Variants in CDK5RAP3 observed in about 807,000 individuals in gnomAD.
CDK5RAP3 encodes the protein CDK5 regulatory subunit associated protein 3.
CDK5RAP3 carries 58 observed loss-of-function variants against 73.3 expected under a neutral mutation model. That is an observed-to-expected ratio of 0.79 (90% CI 0.64 to 0.98). The LOEUF is 0.98. CDK5RAP3 is among the 50% of genes least tolerant of loss of function. CDK5RAP3 has a pLI of 0.00. For synonymous variants in CDK5RAP3, 224 were observed against 247.5 expected (o/e 0.91, Z 0.89); for missense variants, 525 against 615.8 (o/e 0.85, Z 1.56).
intron 5 of CDK5RAP3, 194 bp downstream of exon 5, chr17:47,974,642 A>G (rs765371351): frequency 7.1e-7 from 1 of 1,408,830 alleles, no homozygotes; most frequent in South Asian, 1.4e-5. Flanking sequence ...TGGGGGAAGG[A>G]GGAGGTCCAG....
In CDK5RAP3 at chr17:47,977,917, G is replaced by A. The variant is rs1168164291; in HGVS notation, c.988+7G>A. 8 of 1,613,544 alleles carry A rather than the reference G, an allele frequency of 5.0e-6. No individual in the cohort carries two copies. Among genetic ancestry groups the A allele is most frequent in the Non-Finnish European group, 5.9e-6 (7 of 1,179,542 alleles). On this transcript the variant is annotated splice_region_variant and intron_variant, in intron 10 of 13. Coordinates refer to ENST00000338399, the MANE Select transcript of CDK5RAP3 (RefSeq NM_176096.3). ...CTGGAAGCAGGAACCCAGGGTAAGTGCACCATCCCCTGCAGCCCTGGCAAA... is the reference window on the plus strand; with the variant it reads ...CTGGAAGCAGGAACCCAGGGTAAGTACACCATCCCCTGCAGCCCTGGCAAA...
At chr17:47,971,304 C>T (rs947685007) in intron 1 of CDK5RAP3, 58 bp from the exon 2 acceptor site, 4 of 1,574,426 alleles carry the variant, frequency 2.5e-6, no homozygotes, top group East Asian at 2.3e-5. Context: ...AATGAGCGCG[C>T]GAGTGGTACG....
chr17:47,971,339 C>G (rs1329914762), intron 1 of CDK5RAP3, 23 bp from the exon 2 acceptor site: 15 of 1,607,604 alleles, frequency 9.3e-6, no homozygotes, highest in Admixed American at 1.7e-5. Context: ...TCACGCCCCC[C>G]TCCTCACCGT....
chr17:47,974,637 G>T, intron 5 of CDK5RAP3, 189 bp downstream of exon 5: 1 of 1,414,588 alleles, frequency 7.1e-7, no homozygotes, highest in Non-Finnish European at 9.2e-7. Flanking sequence ...AGTGCTGGGG[G>T]AAGGAGGAGG....
At chr17:47,976,689 T>G (rs1355482170) in intron 8 of CDK5RAP3, 23 bp from the exon 9 acceptor site, 4 of 1,520,650 alleles carry the variant, frequency 2.6e-6, no homozygotes, top group Middle Eastern at 4.3e-4. Flanking sequence ...TTCCATGAGC[T>G]AACACTCTCT....
At chr17:47,968,452 A>G (rs981071143), upstream of CDK5RAP3, among the ~76,000 whole-genome samples, 1 of 149,684 alleles carries the variant, frequency 6.7e-6, no homozygotes, top group East Asian at 2.0e-4. Context: ...GTAGCTGAGT[A>G]GCTGGGACTG....
Position 47,981,508 on chromosome 17 carries a change from T to G in CDK5RAP3, c.*6T>G, listed in dbSNP as rs769934141. The G allele has an allele frequency of 6.2e-7, 1 of 1,614,106 alleles. No homozygotes were observed. Among genetic ancestry groups the G allele is most frequent in the African/African-American group, 1.3e-5 (1 of 74,948 alleles). On this transcript the variant is annotated 3_prime_UTR_variant, in exon 14 of 14. Coordinates refer to ENST00000338399, the MANE Select transcript of CDK5RAP3 (RefSeq NM_176096.3). Reference sequence around the variant, plus strand: ...TGATGGGAACCTCTCTGTGACACCCTCCGTGTTCTTGCCTGCCCATCTTCT... The same window carrying G: ...TGATGGGAACCTCTCTGTGACACCCGCCGTGTTCTTGCCTGCCCATCTTCT...
At chr17:47,969,203 T>G (rs1300394382), upstream of CDK5RAP3, among the ~76,000 whole-genome samples, 2 of 151,966 alleles carry the variant, frequency 1.3e-5, no homozygotes, top group African/African-American at 4.8e-5. Context: ...AATCAAAAAT[T>G]TACTAAGCCT....
rs191087287 is a variant in CDK5RAP3, at chr17:47,974,805, G to A, written c.335-354G>A. ...AAGAGGCACGGGTTTTTCTGGGAGC[G>A]AATATCAAGTGCCTGAGAGCAACTA... On this transcript the variant is annotated intron_variant, in intron 5 of 13. Coordinates refer to ENST00000338399, the MANE Select transcript of CDK5RAP3 (RefSeq NM_176096.3). 1.0e-3 allele frequency: 1,294 copies of A among 1,265,572 alleles called. 12 individuals carry two copies. The East Asian group carries it at 0.021, about 21-fold the overall frequency. The allele number at this position is 1,265,572 out of a possible 1,614,324, so 78.4% of individuals were successfully genotyped here.
At position 47,980,182 on chromosome 17, in the gene CDK5RAP3, C is replaced by A. The variant is rs144488817; in HGVS notation, c.1078-411C>A. On this transcript the variant is annotated intron_variant, in intron 11 of 13. Coordinates refer to ENST00000338399, the MANE Select transcript of CDK5RAP3 (RefSeq NM_176096.3). ...AGGAAACTCCTTACCCAGAGTCTAG[C>A]CCTCATGTCTCATTTTTGCATTTCG... 1.6e-3 allele frequency: 387 copies of A among 242,468 alleles called. 3 individuals carry two copies. The highest frequency in any genetic ancestry group is 8.4e-3 in the South Asian group (175 of 20,712). 15.0% of individuals were successfully genotyped at this position (242,468 alleles called of 1,614,324 possible).
At chr17:47,975,756 T>C (rs759147521) in intron 7 of CDK5RAP3, 103 bp downstream of exon 7, 4 of 1,579,872 alleles carry the variant, frequency 2.5e-6, no homozygotes, top group Non-Finnish European at 3.4e-6. Context: ...TTGAACTCTT[T>C]ACACACCTGA....
At chr17:47,970,776 CAA>C, upstream of CDK5RAP3, 1 of 1,495,614 alleles carries the variant, frequency 6.7e-7, no homozygotes, top group Non-Finnish European at 9.0e-7. Context: ...GCAGACGTCT[CAA>C]TCTGCGTGGA....
chr17:47,978,589 G>A (rs369949629), intron 10 of CDK5RAP3: 2 of 509,790 alleles, frequency 3.9e-6, no homozygotes, highest in African/African-American at 3.9e-5. Flanking sequence ...GCAGAGAGCC[G>A]GCCTTTCTAC....
rs753979901 is a variant in CDK5RAP3 at position 47,976,695 on chromosome 17, T to A, written c.799-17T>A. 2 of 1,557,952 alleles carry A rather than the reference T, an allele frequency of 1.3e-6. No homozygotes were observed. The highest frequency in any genetic ancestry group is 2.2e-5 in the East Asian group (1 of 44,462). ...AAATCCATCTTCCATGAGCTAACACTCTCTTTCCCTTTCCAGATTGACTGG... is the reference window on the plus strand; with the variant it reads ...AAATCCATCTTCCATGAGCTAACACACTCTTTCCCTTTCCAGATTGACTGG... On this transcript the variant is annotated splice_polypyrimidine_tract_variant and intron_variant, in intron 8 of 13. Coordinates refer to ENST00000338399, the MANE Select transcript of CDK5RAP3 (RefSeq NM_176096.3).
chr17:47,975,555 CCTGCCGAGT>C lies in CDK5RAP3; in HGVS notation c.557_565del (p.Leu186_Ser188del). 6.2e-7 allele frequency: 1 copy of C among 1,611,278 alleles called. No homozygotes were observed. Among genetic ancestry groups the C allele is most frequent in the Non-Finnish European group, 8.5e-7 (1 of 1,180,026 alleles). On this transcript the variant is annotated inframe_deletion, in exon 7 of 14. Transcript: ENST00000338399. ...GAGAACTGCTGGCCCTGGTGAAGGACCTGCCGAGTCAGCTGGCTGAGATTGGGGCAGCGG... is the reference window on the plus strand; with the variant it reads ...GAGAACTGCTGGCCCTGGTGAAGGACCAGCTGGCTGAGATTGGGGCAGCGG...
chr17:47,970,804 G>A, upstream of CDK5RAP3: 1 of 1,432,418 alleles, frequency 7.0e-7, no homozygotes, highest in Non-Finnish European at 9.4e-7. Flanking sequence ...CCCAGTGCCC[G>A]CCAGGGGAAG....
In CDK5RAP3 at chr17:47,973,987, T is replaced by G. The variant is rs1337775305; in HGVS notation, c.241T>G (p.Ser81Ala). 6.2e-7 allele frequency: 1 copy of G among 1,614,138 alleles called. No individual in the cohort carries two copies. Among genetic ancestry groups the G allele is most frequent in the Admixed American group, 1.7e-5 (1 of 60,024 alleles). The change falls in exon 4 of 14, where the codon TCC (serine) becomes GCC (alanine). Residue 81 changes from serine (S) to alanine (A), a missense_variant. Coordinates refer to ENST00000338399, the MANE Select transcript of CDK5RAP3 (RefSeq NM_176096.3). ...GGACCTTCTCAAAGGCACAGAGGCC[T>G]CCACGAAGAATATTTTTGGCCGATA... The part of the protein sequence containing the change: ...ILDLLKGTEA[S>A]TKNIFGRYSS...
chr17:47,979,762 G>A (rs1470750099), intron 11 of CDK5RAP3: 1 of 152,236 alleles, frequency 6.6e-6, no homozygotes, highest in African/African-American at 2.4e-5. Context: ...TAGCCTGCTG[G>A]TTCGGAGAGC....
At chr17:47,981,374 C>A (rs745415845) in intron 13 of CDK5RAP3, 40 bp downstream of exon 13, 2 of 1,614,140 alleles carry the variant, frequency 1.2e-6, no homozygotes, top group Non-Finnish European at 8.5e-7. Context: ...GGAGGACTCC[C>A]AGTCTGTGCA....
Sources: gnomAD v4.1 joint callset for allele counts (sites outside exome capture counted in the v4.1 genomes callset) on GRCh38, gnomAD v4.1.1 for gene constraint, MANE v1.5 for transcripts, NCBI Gene and HGNC (gene_info 2026-07-23, HGNC 2026-07-21) for gene names.